Variants in PDZD2 observed in about 807,000 individuals in gnomAD.
PDZD2 encodes the protein PDZ domain-containing protein 2.
PDZD2 carries 90 observed loss-of-function variants against 220.7 expected under a neutral mutation model. The ratio of observed to expected loss-of-function variants is 0.41; its 90% CI spans 0.34 to 0.49. PDZD2 has a LOEUF of 0.49. Among genes scored for constraint, PDZD2 ranks in the 20% least tolerant of loss-of-function variants. The pLI, the probability that PDZD2 is intolerant of heterozygous loss-of-function variation, is 0.28. For missense variants in PDZD2, 3,174 were observed against 3,608.5 expected, an observed-to-expected ratio of 0.88 and a Z score of 3.08; for synonymous variants, 1,375 against 1,450.5, an observed-to-expected ratio of 0.95 and a Z score of 1.18.
At chr5:31,822,732 T>C in intron 2 of PDZD2, 1 of 1,232,450 alleles carries the variant, frequency 8.1e-7, no homozygotes, top group South Asian at 1.2e-5. Context: ...TTTGAGATAC[T>C]GAACAAGGAA....
intron 1 of PDZD2, among the ~76,000 whole-genome samples, chr5:31,752,591 C>T (rs1410186485): frequency 6.8e-6 from 1 of 147,712 alleles, no homozygotes; most frequent in Non-Finnish European, 1.5e-5. Flanking sequence ...GTTTTTTTTT[C>T]CCCCCCAGAG....
intron 2 of PDZD2, among the ~76,000 whole-genome samples, chr5:31,799,939 C>T (rs563367573): frequency 3.5e-4 from 54 of 152,288 alleles, no homozygotes; most frequent in African/African-American, 1.2e-3. Context: ...CTGCCTATCC[C>T]ATATCACCTT....
intron 19 of PDZD2, among the ~76,000 whole-genome samples, chr5:32,081,544 T>G (rs1398278157): frequency 1.3e-5 from 2 of 152,178 alleles, no homozygotes; most frequent in Non-Finnish European, 2.9e-5. Flanking sequence ...CTAAAAGATT[T>G]TAGAGCTTCT....
chr5:32,011,320 C>G (rs1192228829), intron 6 of PDZD2, among the ~76,000 whole-genome samples: 1 of 139,664 alleles, frequency 7.2e-6, no homozygotes, highest in Non-Finnish European at 1.5e-5. Context: ...GAAACCCCAT[C>G]TTTACAAAAA....
chr5:31,662,854 T>C (rs559742329), intron 1 of PDZD2, among the ~76,000 whole-genome samples: 5 of 152,154 alleles, frequency 3.3e-5, no homozygotes, highest in African/African-American at 1.2e-4. Context: ...ATGGTCTTGA[T>C]CTCCTGACCT....
chr5:32,080,855 TG>T (rs1741874647), intron 19 of PDZD2, among the ~76,000 whole-genome samples: 1 of 151,514 alleles, frequency 6.6e-6, no homozygotes, highest in Non-Finnish European at 1.5e-5. Flanking sequence ...TACTTATAAG[TG>T]GGAGCTAAAC....
Position 32,052,702 on chromosome 5 carries a change from T to C in PDZD2, c.1757T>C (p.Ile586Thr), listed in dbSNP as rs745764676. The change falls in exon 9 of 25, where the codon ATC becomes ACC. Residue 586 changes from isoleucine (I) to threonine (T), a missense_variant. Ile to Thr is a moderately conservative substitution (Grantham distance 89). Around this residue, in one of 4 missense-constraint regions of PDZD2, gnomAD observed 50 missense variants for 109.5 expected, o/e 0.46. Coordinates refer to ENST00000438447, the MANE Select transcript of PDZD2 (RefSeq NM_178140.4). ...WRLIRPSVIS[I>T]IGLYKEKGKG... ...CTCATTCGGCCATCCGTCATCTCGA[T>C]CATTGGGTTGTACAAAGAAAAAGGC... 3.7e-6 allele frequency: 6 copies of C among 1,613,956 alleles called. No individual in the cohort carries two copies. Among genetic ancestry groups the C allele is most frequent in the African/African-American group, 2.7e-5 (2 of 74,946 alleles).
At chr5:31,831,051 G>C (rs565769185) in intron 2 of PDZD2, among the ~76,000 whole-genome samples, 39 of 152,342 alleles carry the variant, frequency 2.6e-4, no homozygotes, top group Non-Finnish European at 5.3e-4. Context: ...TTCCTTATCA[G>C]AGATCATTAC....
At chr5:31,852,430 C>T (rs986978304) in intron 2 of PDZD2, among the ~76,000 whole-genome samples, 1 of 151,022 alleles carries the variant, frequency 6.6e-6, no homozygotes, top group Non-Finnish European at 1.5e-5. Flanking sequence ...GGACCACAGG[C>T]GCGTGCCATC....
chr5:31,694,245 A>G (rs895007504), intron 1 of PDZD2, among the ~76,000 whole-genome samples: 1 of 152,076 alleles, frequency 6.6e-6, no homozygotes, highest in Admixed American at 6.6e-5. Context: ...TACAAAAATT[A>G]GCCGGGCGTG....
At chr5:32,079,115 C>T (rs1741648654) in intron 19 of PDZD2, among the ~76,000 whole-genome samples, 1 of 151,044 alleles carries the variant, frequency 6.6e-6, no homozygotes, top group South Asian at 2.1e-4. Flanking sequence ...AAAAAATTAG[C>T]GGGTGTTGTG....
chr5:31,717,822 G>T (rs1228241797), intron 1 of PDZD2, among the ~76,000 whole-genome samples: 2 of 152,176 alleles, frequency 1.3e-5, no homozygotes, highest in African/African-American at 4.8e-5. Context: ...GCCCTTCCGG[G>T]GGCTTTGCCA....
chr5:31,894,826 T>C (rs1174043364), intron 2 of PDZD2, among the ~76,000 whole-genome samples: 1 of 152,154 alleles, frequency 6.6e-6, no homozygotes, highest in African/African-American at 2.4e-5. Flanking sequence ...TGCTAGACAG[T>C]TATTCTGGAG....
intron 2 of PDZD2, among the ~76,000 whole-genome samples, chr5:31,948,068 A>G (rs1479168944): frequency 6.6e-6 from 1 of 152,192 alleles, no homozygotes; most frequent in Non-Finnish European, 1.5e-5. Context: ...TGGAAGAAAT[A>G]CTTTATTATA....
intron 2 of PDZD2, chr5:31,840,932 C>T (rs1284750162): frequency 2.0e-6 from 1 of 488,936 alleles, no homozygotes. Flanking sequence ...GCCTGGAGAA[C>T]ATACTGGGTG....
At chr5:31,757,198 A>G (rs996904895) in intron 1 of PDZD2, among the ~76,000 whole-genome samples, 1 of 152,162 alleles carries the variant, frequency 6.6e-6, no homozygotes, top group Non-Finnish European at 1.5e-5. Flanking sequence ...AGACAGGAGG[A>G]TTGCTTGAGC....
intron 1 of PDZD2, chr5:31,738,598 T>G (rs1750048878): frequency 6.6e-6 from 1 of 152,216 alleles, no homozygotes; most frequent in African/African-American, 2.4e-5. Context: ...TGGGGATAGA[T>G]TCATCCGTTT....
chr5:32,073,610 G>A (rs185225207), intron 17 of PDZD2, among the ~76,000 whole-genome samples: 5 of 138,614 alleles, frequency 3.6e-5, no homozygotes, highest in East Asian at 4.3e-4. Flanking sequence ...AAAAGGGCGG[G>A]GGGGGTAGGT....
chr5:31,983,047 C>T lies in PDZD2; in HGVS notation c.477-108C>T. The T allele has an allele frequency of 2.7e-6, 3 of 1,092,610 alleles. No homozygotes were observed. The Admixed American group carries it at 6.8e-5, about 25-fold the overall frequency. The allele number at this position is 1,092,610 out of a possible 1,614,324, so 67.7% of individuals were successfully genotyped here. A position where few individuals can be genotyped will look rare whatever the true frequency, so the allele number is the denominator to read the frequency against. ...CTTTAGGAAGCTCAATACCTCAGTC[C>T]ATCGGCCAACTGGTCGTCACTTGGG... is the stretch of plus-strand genomic sequence containing the variant. On this transcript the variant is annotated intron_variant, in intron 2 of 24. Transcript: ENST00000438447.
Sources: gnomAD v4.1 joint callset for allele counts (sites outside exome capture counted in the v4.1 genomes callset) on GRCh38, gnomAD v4.1.1 for gene constraint, gnomAD v4.1.1 regional missense constraint, MANE v1.5 for transcripts, NCBI Gene and HGNC (gene_info 2026-07-23, HGNC 2026-07-21) for gene names.